DMD: variants seen among roughly 807,000 people sequenced by gnomAD.
The protein encoded by DMD is dystrophin.
DMD carries 63 observed loss-of-function variants against 330.1 expected under a neutral mutation model. That is an observed-to-expected ratio of 0.19 (90% confidence interval 0.16 to 0.24). The LOEUF (loss-of-function observed/expected upper bound fraction) is 0.24. Ranked by LOEUF, DMD falls within the 10% of genes least tolerant of loss-of-function variation. DMD has a pLI of 1.00. For missense variants in DMD, 3,344 were observed against 2,684.1 expected (o/e 1.25, Z -5.43); for synonymous variants, 1,223 against 959.8 (o/e 1.27, Z -5.07).
At chrX:32,678,135 A>G (rs1342415035) in intron 9 of DMD, among the ~76,000 whole-genome samples, 1 of 112,156 alleles carries the variant, frequency 8.9e-6, no homozygotes, top group Non-Finnish European at 1.9e-5. Flanking sequence ...ATTAATGGGC[A>G]TAAAATTTTC....
At chrX:33,018,275 G>T (rs993771324) in intron 2 of DMD, among the ~76,000 whole-genome samples, 1 of 111,718 alleles carries the variant, frequency 9.0e-6, no homozygotes, top group Non-Finnish European at 1.9e-5. Flanking sequence ...GACTTAGGGA[G>T]AACATTTGTA....
intron 47 of DMD, among the ~76,000 whole-genome samples, chrX:31,915,141 A>G (rs1345886399): frequency 8.9e-6 from 1 of 112,458 alleles, no homozygotes; most frequent in Admixed American, 9.4e-5. Context: ...TCTGATGGAG[A>G]AGACAGTGCA....
chrX:32,925,398 T>C (rs2088910264), intron 2 of DMD, among the ~76,000 whole-genome samples: 1 of 110,424 alleles, frequency 9.1e-6, no homozygotes, highest in Non-Finnish European at 1.9e-5. Flanking sequence ...CTTTAAAGAA[T>C]AGAACCCCTG....
rs979844530 is a variant in DMD at position 32,383,779 on chromosome X, A to C, written c.4674+2531T>G. On this transcript the variant is annotated intron_variant, in intron 33 of 78. Transcript: ENST00000357033. ...AATAGGGTTTGACATCATTACGAGA[A>C]TCATTCATTTCTGAATAATAATCAA... Among the ~76,000 whole-genome samples the C allele has an allele frequency of 6.3e-5, 7 of 110,599 alleles. No individual in the cohort carries two copies. In the East Asian group the frequency reaches 2.0e-3, roughly 31 times the overall value.
At chrX:32,543,414 T>G (rs10126490) in intron 17 of DMD, among the ~76,000 whole-genome samples, 12,963 of 110,208 alleles carry the variant, frequency 0.12, 1,055 homozygotes, top group African/African-American at 0.27. Context: ...ATGAATCAGC[T>G]TGCTCTGTTA....
chrX:31,524,441 T>A (rs933260153), intron 55 of DMD, among the ~76,000 whole-genome samples: 1 of 111,355 alleles, frequency 9.0e-6, no homozygotes, highest in Admixed American at 9.6e-5. Flanking sequence ...ATTTAAAGTG[T>A]AATTAAAAGG....
intron 12 of DMD, among the ~76,000 whole-genome samples, chrX:32,610,211 C>T (rs1175558672): frequency 9.0e-6 from 1 of 111,062 alleles, no homozygotes; most frequent in East Asian, 2.8e-4. Context: ...CCCAGAAAGA[C>T]TCACTCTTGG....
chrX:31,858,295 G>A (rs1333185572), intron 48 of DMD, among the ~76,000 whole-genome samples: 1 of 111,361 alleles, frequency 9.0e-6, no homozygotes, highest in Admixed American at 9.6e-5. Context: ...CATCTTCATT[G>A]GAGAGAATCA....
intron 1 of DMD, among the ~76,000 whole-genome samples, chrX:33,090,909 G>C (rs1327123137): frequency 1.8e-5 from 2 of 110,918 alleles, no homozygotes; most frequent in East Asian, 5.7e-4. Flanking sequence ...CTATTTTAAA[G>C]TAGATAAAAT....
intron 2 of DMD, among the ~76,000 whole-genome samples, chrX:33,007,206 A>G (rs2093414250): frequency 9.0e-6 from 1 of 111,090 alleles, no homozygotes; most frequent in African/African-American, 3.3e-5. Context: ...ACAATGGTCA[A>G]TAAGGCCCTA....
rs777159961 is a variant in DMD, at chrX:31,889,166, G to C, written c.6913-13793C>G. 6.2e-5 allele frequency among the ~76,000 whole-genome samples: 7 copies of C among 112,007 alleles called. No individual in the cohort carries two copies. The South Asian group carries it at 2.6e-3, about 41-fold the overall frequency. On this transcript the variant is annotated intron_variant, in intron 47 of 78. Transcript: ENST00000357033. ...AGTAAAATTTGATGTACAATAAATA[G>C]GTTGGCAGTCCTTGGAGAACTCTGC...
chrX:32,928,282 C>G (rs1230211820), intron 2 of DMD, among the ~76,000 whole-genome samples: 1 of 109,870 alleles, frequency 9.1e-6, no homozygotes, highest in Non-Finnish European at 1.9e-5. Context: ...CCATCAACTC[C>G]ATTTCCAGCT....
intron 9 of DMD, among the ~76,000 whole-genome samples, chrX:32,660,742 G>A (rs908316793): frequency 2.0e-4 from 22 of 111,252 alleles, no homozygotes; most frequent in African/African-American, 7.2e-4. Context: ...ACCTGAAAAT[G>A]TTCAGCATTT....
At chrX:32,463,332 A>G (rs1054949681) in intron 25 of DMD, 107 bp downstream of exon 25, 132 of 763,476 alleles carry the variant, frequency 1.7e-4, no homozygotes, top group Non-Finnish European at 1.6e-4. Context: ...GCTTTAAAGC[A>G]AAAACATAGG....
intron 2 of DMD, among the ~76,000 whole-genome samples, chrX:32,904,749 T>C (rs1312512905): frequency 9.0e-6 from 1 of 111,331 alleles, no homozygotes; most frequent in Non-Finnish European, 1.9e-5. Context: ...CTAATTTTTG[T>C]ATTTTTGGTA....
Position 31,688,245 on chromosome X carries a change from G to C in DMD, c.7661-8659C>G, listed in dbSNP as rs1033556380. Among the ~76,000 whole-genome samples the C allele has an allele frequency of 6.3e-5, 7 of 111,202 alleles. No individual in the cohort carries two copies. In the Admixed American group the frequency reaches 6.7e-4, roughly 11 times the overall value. On this transcript the variant is annotated intron_variant, in intron 52 of 78. Coordinates refer to ENST00000357033, the MANE Select transcript of DMD (RefSeq NM_004006.3). ...AGTAAGACTAATAAAGAAGAAAAGA[G>C]AGAAGAATCAAATAGATGCAATAAA...
intron 43 of DMD, among the ~76,000 whole-genome samples, chrX:32,220,472 T>A (rs930643073): frequency 3.6e-5 from 4 of 111,204 alleles, no homozygotes; most frequent in Non-Finnish European, 7.5e-5. Context: ...GTAATAATAC[T>A]TTAGACTCCA....
At chrX:32,757,571 G>T (rs761169592) in intron 7 of DMD, among the ~76,000 whole-genome samples, 1 of 110,582 alleles carries the variant, frequency 9.0e-6, no homozygotes, top group Non-Finnish European at 1.9e-5. Context: ...CTGTTCTCGT[G>T]ATAGTGAATA....
intron 44 of DMD, among the ~76,000 whole-genome samples, chrX:32,091,206 C>T (rs1480917808): frequency 1.8e-5 from 2 of 111,651 alleles, no homozygotes; most frequent in Admixed American, 9.5e-5. Flanking sequence ...TGATTTTCTT[C>T]GATTTTTTTC....
Sources: gnomAD v4.1 joint callset for allele counts (sites outside exome capture counted in the v4.1 genomes callset) on GRCh38, gnomAD v4.1.1 for gene constraint, MANE v1.5 for transcripts, NCBI Gene and HGNC (gene_info 2026-07-23, HGNC 2026-07-21) for gene names.